GRIK2: variants seen among roughly 807,000 people sequenced by gnomAD.
GRIK2 encodes the protein glutamate ionotropic receptor kainate type subunit 2, also known as glutamate receptor ionotropic, kainate 2.
A neutral mutation model predicts 100.3 loss-of-function variants in GRIK2; 32 were observed. The ratio of observed to expected loss-of-function variants is 0.32; its 90% CI spans 0.24 to 0.43. The LOEUF is 0.43. GRIK2 is among the 20% of genes least tolerant of loss of function. GRIK2 has a pLI of 1.00. For synonymous variants in GRIK2, 417 were observed against 389.4 expected (o/e 1.07, Z -0.83); for missense variants, 843 against 1,114.9 (o/e 0.76, Z 3.47).
chr6:101,931,270 A>G (rs75387404), intron 14 of GRIK2, among the ~76,000 whole-genome samples: 1,729 of 152,264 alleles, frequency 0.011, 36 homozygotes, highest in African/African-American at 0.04. Context: ...ACTATTTTGT[A>G]GTGTATTTAC....
chr6:101,622,180 A>AT (rs1780196821), intron 3 of GRIK2, 64 bp downstream of exon 3: 15 of 964,866 alleles, frequency 1.6e-5, no homozygotes, highest in Non-Finnish European at 2.2e-5. Flanking sequence ...TTCTTAAGAG[A>AT]TTTTTTTATT....
At chr6:102,001,703 G>T (rs533243678) in intron 14 of GRIK2, among the ~76,000 whole-genome samples, 1 of 152,058 alleles carries the variant, frequency 6.6e-6, no homozygotes, top group East Asian at 1.9e-4. Flanking sequence ...TTTCCAGTCT[G>T]GTCGTGTAGT....
chr6:101,876,529 C>T (rs897674344), intron 11 of GRIK2, among the ~76,000 whole-genome samples: 12 of 148,870 alleles, frequency 8.1e-5, no homozygotes, highest in African/African-American at 1.8e-4. Context: ...AAAACCTCAT[C>T]CCTGCAGCAC....
intron 4 of GRIK2, among the ~76,000 whole-genome samples, chr6:101,657,111 A>G (rs921493807): frequency 2.6e-5 from 4 of 152,180 alleles, no homozygotes; most frequent in African/African-American, 9.7e-5. Flanking sequence ...AATGTTATCT[A>G]TGATTATTAC....
intron 2 of GRIK2, among the ~76,000 whole-genome samples, chr6:101,427,026 C>G (rs1769060084): frequency 6.6e-6 from 1 of 152,138 alleles, no homozygotes; most frequent in South Asian, 2.1e-4. Flanking sequence ...CTTAGGGAGC[C>G]AGCCATGCCT....
intron 2 of GRIK2, among the ~76,000 whole-genome samples, chr6:101,607,567 G>A (rs1245287157): frequency 6.6e-6 from 1 of 151,976 alleles, no homozygotes; most frequent in African/African-American, 2.4e-5. Flanking sequence ...CAGCTAGGGA[G>A]TTATTTGTCT....
At chr6:101,823,863 T>G (rs1039767890) in intron 10 of GRIK2, among the ~76,000 whole-genome samples, 18 of 106,140 alleles carry the variant, frequency 1.7e-4, no homozygotes, top group African/African-American at 6.7e-4. Context: ...GTAAGTTCTG[T>G]TTTTTTTTTT....
chr6:101,750,591 A>G (rs181408200), intron 7 of GRIK2, among the ~76,000 whole-genome samples: 9 of 152,370 alleles, frequency 5.9e-5, no homozygotes, highest in Admixed American at 3.3e-4. Flanking sequence ...CTATAGCACA[A>G]GCTATAGTAA....
At chr6:101,551,022 C>A (rs1328491744) in intron 2 of GRIK2, among the ~76,000 whole-genome samples, 1 of 152,156 alleles carries the variant, frequency 6.6e-6, no homozygotes, top group Non-Finnish European at 1.5e-5. Context: ...GCCTCAGCCT[C>A]ACCTAAGGCT....
Position 102,053,533 on chromosome 6 carries a change from A to C in GRIK2, c.2312-1797A>C, listed in dbSNP as rs145025803. 2.0e-3 allele frequency among the ~76,000 whole-genome samples: 303 copies of C among 152,302 alleles called. 1 individual carries two copies. The highest frequency in any genetic ancestry group is 7.0e-3 in the African/African-American group (290 of 41,584). ...TTGCTGAGAGCCTATGATTTGAAAA[A>C]TGATTGAGAATTCAGATGGATGGAT... On this transcript the variant is annotated intron_variant, in intron 15 of 16. Transcript: ENST00000369134.
chr6:102,040,714 T>C (rs1338676861), intron 15 of GRIK2, among the ~76,000 whole-genome samples: 1 of 151,530 alleles, frequency 6.6e-6, no homozygotes, highest in Non-Finnish European at 1.5e-5. Context: ...TTATTCACCA[T>C]CCATTTCTAA....
intron 2 of GRIK2, among the ~76,000 whole-genome samples, chr6:101,421,961 G>A (rs1582412736): frequency 6.6e-6 from 1 of 152,178 alleles, no homozygotes; most frequent in East Asian, 1.9e-4. Context: ...AGAATGCTTT[G>A]TGACAATTTA....
chr6:102,068,174 TATC>T (rs2114545021), intron 16 of GRIK2, among the ~76,000 whole-genome samples, 170 bp from the exon 17 acceptor site: 1 of 152,038 alleles, frequency 6.6e-6, no homozygotes, highest in African/African-American at 2.4e-5. Context: ...ATATTTTAAT[TATC>T]ATGGGTTGAG....
intron 14 of GRIK2, among the ~76,000 whole-genome samples, chr6:101,944,493 A>T (rs1315578044): frequency 6.6e-6 from 1 of 152,158 alleles, no homozygotes; most frequent in Non-Finnish European, 1.5e-5. Flanking sequence ...TGGTTTTGTA[A>T]TTTTTTGCCA....
intron 7 of GRIK2, among the ~76,000 whole-genome samples, chr6:101,696,513 T>A (rs1269547581): frequency 6.6e-6 from 1 of 151,970 alleles, no homozygotes; most frequent in Non-Finnish European, 1.5e-5. Flanking sequence ...TTAAGGATGT[T>A]AGGATGTATA....
chr6:102,055,261 AT>A, intron 15 of GRIK2, 68 bp from the exon 16 acceptor site: 3 of 1,258,450 alleles, frequency 2.4e-6, no homozygotes, highest in Non-Finnish European at 3.4e-6. Context: ...CCCTCCTCTC[AT>A]CTTGCTAACC....
intron 7 of GRIK2, among the ~76,000 whole-genome samples, chr6:101,728,901 A>T (rs1398681631): frequency 6.6e-6 from 1 of 152,066 alleles, no homozygotes; most frequent in African/African-American, 2.4e-5. Flanking sequence ...CTGCCTTGAA[A>T]TAGGTGTCTT....
chr6:101,712,095 A>G (rs11960953), intron 7 of GRIK2, among the ~76,000 whole-genome samples: 12,627 of 151,848 alleles, frequency 0.083, 1,722 homozygotes, highest in African/African-American at 0.29. Flanking sequence ...CTGAAATTAG[A>G]ACTTTTAATT....
At chr6:101,571,294 A>G (rs1207318425) in intron 2 of GRIK2, among the ~76,000 whole-genome samples, 1 of 151,996 alleles carries the variant, frequency 6.6e-6, no homozygotes, top group African/African-American at 2.4e-5. Context: ...TATATCTCCT[A>G]CTGCTATCAC....
Sources: allele counts gnomAD v4.1 joint callset (sites outside exome capture counted in the v4.1 genomes callset), GRCh38; gene constraint gnomAD v4.1.1; transcripts MANE v1.5; gene names NCBI Gene and HGNC (gene_info 2026-07-23, HGNC 2026-07-21).